Variants in ZC3H18 observed in about 807,000 individuals in gnomAD.
The protein encoded by ZC3H18 is zinc finger CCCH-type containing 18.
In ZC3H18, 8 loss-of-function variants were observed where a neutral mutation model predicts 106.1. That is an observed-to-expected ratio of 0.08 (90% CI 0.04 to 0.14). ZC3H18 has a LOEUF of 0.14. Among genes scored for constraint, ZC3H18 ranks in the 10% least tolerant of loss-of-function variants. ZC3H18 has a pLI of 1.00. For synonymous variants in ZC3H18, 635 were observed against 522.1 expected (o/e 1.22, Z -2.95); for missense variants, 1,318 against 1,278.4 (o/e 1.03, Z -0.47).
intron 3 of ZC3H18, among the ~76,000 whole-genome samples, chr16:88,587,953 G>A (rs1366334906): frequency 6.6e-6 from 1 of 152,190 alleles, no homozygotes; most frequent in Non-Finnish European, 1.5e-5. Context: ...GTGTGTGCTT[G>A]CTTGGTTTTG....
At position 88,624,757 on chromosome 16, in the gene ZC3H18, G is replaced by A. The variant is rs773666792; in HGVS notation, c.2042+12G>A. Reference sequence around the variant, plus strand: ...ACCCCCCCCAGGAGGTGAGCACTCCGGCGTCCGGGGCCCTCAGGCTTTCCG... The same window carrying A: ...ACCCCCCCCAGGAGGTGAGCACTCCAGCGTCCGGGGCCCTCAGGCTTTCCG... On this transcript the variant is annotated intron_variant, in intron 12 of 17. Coordinates refer to ENST00000301011, the MANE Select transcript of ZC3H18 (RefSeq NM_144604.4). 8.7e-6 allele frequency: 14 copies of A among 1,602,304 alleles called. No homozygotes were observed. The highest frequency in any genetic ancestry group is 2.7e-5 in the African/African-American group (2 of 74,338).
chr16:88,593,686 T>G (rs1398175883), intron 3 of ZC3H18, among the ~76,000 whole-genome samples: 1 of 152,182 alleles, frequency 6.6e-6, no homozygotes, highest in Non-Finnish European at 1.5e-5. Flanking sequence ...GGAGCACACA[T>G]TGATGAGAAA....
At chr16:88,591,451 A>C (rs969811811) in intron 3 of ZC3H18, among the ~76,000 whole-genome samples, 4 of 152,182 alleles carry the variant, frequency 2.6e-5, no homozygotes, top group Non-Finnish European at 4.4e-5. Context: ...GCACACCTCT[A>C]ATTCCAGCTA....
intron 7 of ZC3H18, among the ~76,000 whole-genome samples, chr16:88,610,126 C>G (rs1351158717): frequency 1.3e-5 from 2 of 152,150 alleles, no homozygotes; most frequent in African/African-American, 4.8e-5. Flanking sequence ...GATTTCCGCC[C>G]TGGAAATCTC....
chr16:88,628,841 A>C lies in ZC3H18; in HGVS notation c.2553A>C (p.Thr851=), dbSNP rs771272663. Residue 851 remains threonine (T), a synonymous_variant, in exon 16 of 18, where the codon ACA becomes ACC. Transcript: ENST00000301011. The stretch of plus-strand genomic sequence containing the variant: ...CTCCTCCAGCCAAGCGGCCCAACAC[A>C]TCCCCAGACCGAGGTGAGCCTCCCA... ...QSPPPAKRPN[T]SPDRGSRDRK... 6.2e-7 allele frequency: 1 copy of C among 1,614,010 alleles called. No homozygotes were observed. Among genetic ancestry groups the C allele is most frequent in the Admixed American group, 1.7e-5 (1 of 60,022 alleles).
At chr16:88,619,605 C>T (rs141441781) in intron 8 of ZC3H18, among the ~76,000 whole-genome samples, 22 of 152,332 alleles carry the variant, frequency 1.4e-4, no homozygotes, top group African/African-American at 5.1e-4. Context: ...GGGCAAGCAC[C>T]AGCTGCCCTG....
chr16:88,606,721 T>C (rs1240102071), intron 6 of ZC3H18, among the ~76,000 whole-genome samples: 2 of 152,216 alleles, frequency 1.3e-5, no homozygotes, highest in African/African-American at 2.4e-5. Context: ...TCTCTACAAA[T>C]GTTTCCTGAG....
intron 8 of ZC3H18, among the ~76,000 whole-genome samples, chr16:88,618,123 G>A (rs374760067): frequency 5.2e-4 from 79 of 152,292 alleles, no homozygotes; most frequent in African/African-American, 1.6e-3. Context: ...GAGTGAGGCC[G>A]CCTGGCCTTC....
At position 88,611,461 on chromosome 16, in the gene ZC3H18, A is replaced by G; in HGVS notation, c.1400A>G (p.His467Arg). The part of the protein sequence containing the change: ...RAKRDEKDRQ[H>R]RDRDREKERE... ...AAGCGGGACGAGAAGGACCGGCAGC[A>G]CCGTGACCGCGACCGGGAGAAGGAG... is the stretch of plus-strand genomic sequence containing the variant. The change falls in exon 8 of 18, where the codon CAC becomes CGC. Residue 467 changes from histidine to arginine, a missense_variant. Physicochemically the swap from His to Arg is conservative, Grantham distance 29 (BLOSUM62 0). Coordinates refer to ENST00000301011, the MANE Select transcript of ZC3H18 (RefSeq NM_144604.4). 6.5e-7 allele frequency: 1 copy of G among 1,540,934 alleles called. No individual in the cohort carries two copies. The highest frequency in any genetic ancestry group is 8.8e-7 in the Non-Finnish European group (1 of 1,137,408).
chr16:88,604,244 C>G (rs367616550), intron 6 of ZC3H18, among the ~76,000 whole-genome samples: 5 of 151,716 alleles, frequency 3.3e-5, no homozygotes, highest in African/African-American at 1.2e-4. Flanking sequence ...CCCAGCTACT[C>G]AAGAGTCTGA....
chr16:88,618,879 C>G (rs574745779), intron 8 of ZC3H18, among the ~76,000 whole-genome samples: 1 of 152,260 alleles, frequency 6.6e-6, no homozygotes, highest in South Asian at 2.1e-4. Flanking sequence ...CCCTTGCGAG[C>G]GTTCTCAGCC....
intron 3 of ZC3H18, among the ~76,000 whole-genome samples, chr16:88,592,447 A>ATATT (rs1389662458): frequency 6.6e-6 from 1 of 151,984 alleles, no homozygotes; most frequent in East Asian, 1.9e-4. Flanking sequence ...GGTCAAAACT[A>ATATT]TATTTATTTA....
chr16:88,600,918 C>A (rs147124831), intron 6 of ZC3H18, among the ~76,000 whole-genome samples: 1 of 152,332 alleles, frequency 6.6e-6, no homozygotes, highest in Non-Finnish European at 1.5e-5. Context: ...GCTTTAGCAG[C>A]CCTGTACATT....
intron 1 of ZC3H18, among the ~76,000 whole-genome samples, chr16:88,573,034 G>T (rs1487216880): frequency 6.6e-6 from 1 of 152,100 alleles, no homozygotes; most frequent in Non-Finnish European, 1.5e-5. Context: ...TGGGATTACA[G>T]GCATGAGCCA....
At chr16:88,606,566 C>T (rs991249409) in intron 6 of ZC3H18, among the ~76,000 whole-genome samples, 4 of 152,244 alleles carry the variant, frequency 2.6e-5, no homozygotes, top group African/African-American at 4.8e-5. Flanking sequence ...CTTACGCAAT[C>T]AGCCTCAGCC....
At chr16:88,609,295 GTGT>G in intron 7 of ZC3H18, 1 of 284,778 alleles carries the variant, frequency 3.5e-6, no homozygotes, top group East Asian at 7.8e-5. Context: ...TTTTTGTGTG[GTGT>G]TTGTTTGTTT....
At chr16:88,571,570 C>T in intron 1 of ZC3H18, 1 of 966,346 alleles carries the variant, frequency 1.0e-6, no homozygotes, top group Non-Finnish European at 1.2e-6. Context: ...GCCCTGGAAC[C>T]AGTCAAATGT....
rs749529346 is a variant in ZC3H18 at position 88,627,632 on chromosome 16, G to A, written c.2119G>A (p.Val707Met). Residue 707 changes from valine (V) to methionine (M), a missense_variant, in exon 14 of 18, where the codon GTG (valine) becomes ATG (methionine). Physicochemically the swap from Val to Met is conservative, Grantham distance 21 (BLOSUM62 1). This residue lies in a region of ZC3H18 where 848 missense variants were observed against 821.7 expected (regional missense o/e 1.03). Coordinates refer to ENST00000301011, the MANE Select transcript of ZC3H18 (RefSeq NM_144604.4). The surrounding 1 kb of genome is among the most constrained non-coding windows in gnomAD (Gnocchi z 4.5). ...GSSSRSRSLS[V>M]SSVSSVSSAT... The stretch of plus-strand genomic sequence containing the variant: ...TGCTTGTGTGTCCAGGTCCCTGAGC[G>A]TGAGCAGCGTCTCCTCAGTGTCCAG... The A allele has an allele frequency of 1.1e-5, 17 of 1,603,902 alleles. No individual in the cohort carries two copies. Among genetic ancestry groups the A allele is most frequent in the Middle Eastern group, 1.7e-4 (1 of 6,028 alleles).
intron 8 of ZC3H18, among the ~76,000 whole-genome samples, chr16:88,618,176 T>C (rs993964778): frequency 6.6e-6 from 1 of 151,716 alleles, no homozygotes; most frequent in Non-Finnish European, 1.5e-5. Context: ...AGGTCGTCCA[T>C]TGGACTCCAC....
Sources: gnomAD v4.1 joint callset for allele counts (sites outside exome capture counted in the v4.1 genomes callset) on GRCh38, gnomAD v4.1.1 for gene constraint, gnomAD v4.1.1 regional missense constraint, Gnocchi (gnomAD v3.1) non-coding constraint, MANE v1.5 for transcripts, NCBI Gene and HGNC (gene_info 2026-07-23, HGNC 2026-07-21) for gene names.